The following SUPT20H variants were observed in gnomAD, a reference collection of about 807,000 sequenced individuals.
SUPT20H encodes transcription factor SPT20 homolog.
Under a neutral mutation model 122.8 loss-of-function variants are expected in SUPT20H, and 82 were observed. That is an observed-to-expected ratio of 0.67 (90% CI 0.56 to 0.80). The LOEUF (loss-of-function observed/expected upper bound fraction) is 0.80, where lower values mean the gene tolerates loss of function less well. Among genes scored for constraint, SUPT20H ranks in the 30% least tolerant of loss-of-function variants. The probability of loss-of-function intolerance (pLI) is 0.00; values close to 1 mark genes in which losing one functional copy is unlikely to be tolerated. For missense variants in SUPT20H, 831 were observed against 921.6 expected (o/e 0.90, Z 1.27); for synonymous variants, 291 against 313.0 (o/e 0.93, Z 0.74).
At chr13:37,058,013 C>T (rs1325684294) in intron 1 of SUPT20H, among the ~76,000 whole-genome samples, 1 of 147,976 alleles carries the variant, frequency 6.8e-6, no homozygotes, top group Non-Finnish European at 1.5e-5. Flanking sequence ...GGCGGTGGCT[C>T]AGGCCTGTAA....
Position 37,051,547 on chromosome 13 carries a change from G to C in SUPT20H, c.-57C>G. The C allele has an allele frequency of 6.4e-7, 1 of 1,558,402 alleles. No homozygotes were observed. Among genetic ancestry groups the C allele is most frequent in the Non-Finnish European group, 8.8e-7 (1 of 1,135,484 alleles). On this transcript the variant is annotated 5_prime_UTR_variant, in exon 2 of 26. Transcript: ENST00000350612. Reference sequence around the variant, plus strand: ...ATAACTTATGTACGCTGATGAAGTGGGGTGAACACCATGCCTTTAACATCA... The same window carrying C: ...ATAACTTATGTACGCTGATGAAGTGCGGTGAACACCATGCCTTTAACATCA...
In SUPT20H at chr13:37,009,381, T is replaced by G; in HGVS notation, c.*291A>C. 3.8e-6 allele frequency: 3 copies of G among 791,398 alleles called. No individual in the cohort carries two copies. Among genetic ancestry groups the G allele is most frequent in the Non-Finnish European group, 6.2e-6 (3 of 481,920 alleles). The allele number at this position is 791,398 out of a possible 1,614,324, so 49.0% of individuals were successfully genotyped here. ...ACAAACGTTTTATACTAAATAAATA[T>G]CAAACTACATTCTTCTGAAAGATGT... On this transcript the variant is annotated 3_prime_UTR_variant, in exon 26 of 26. Transcript: ENST00000350612.
intron 9 of SUPT20H, among the ~76,000 whole-genome samples, chr13:37,035,524 G>GT (rs375726226): frequency 0.016 from 2,248 of 142,574 alleles, 43 homozygotes; most frequent in African/African-American, 0.047. Context: ...CATATACAGT[G>GT]TTTTTTTTTT....
At chr13:37,058,883 T>C (rs2069890331) in intron 1 of SUPT20H, among the ~76,000 whole-genome samples, 1 of 152,170 alleles carries the variant, frequency 6.6e-6, no homozygotes, top group Non-Finnish European at 1.5e-5. Context: ...CTTTATAACA[T>C]GGTGATCAAC....
At chr13:37,043,952 T>C (rs951422668) in intron 7 of SUPT20H, 126 bp downstream of exon 7, 23 of 565,076 alleles carry the variant, frequency 4.1e-5, no homozygotes, top group Non-Finnish European at 6.6e-5. Flanking sequence ...AAATTAAATA[T>C]CATCTGTCAT....
At chr13:37,040,169 C>A in intron 9 of SUPT20H, 1 of 376,742 alleles carries the variant, frequency 2.7e-6, no homozygotes. Flanking sequence ...TAAGTTTTAT[C>A]TCATTGAATA....
chr13:37,021,942 T>C, intron 20 of SUPT20H, 69 bp downstream of exon 20: 5 of 1,484,138 alleles, frequency 3.4e-6, no homozygotes, highest in African/African-American at 1.4e-5. Flanking sequence ...ATTTCACACA[T>C]TAAGAATTTA....
rs1457114131 is a variant in SUPT20H, at chr13:37,021,508, G to A, written c.1756C>T (p.Pro586Ser). 1 of 1,613,890 alleles carries A rather than the reference G, an allele frequency of 6.2e-7. No individual in the cohort carries two copies. Among genetic ancestry groups the A allele is most frequent in the South Asian group, 1.1e-5 (1 of 91,064 alleles). Residue 586 changes from proline (P) to serine (S), a missense_variant, in exon 21 of 26, where the codon CCC (proline) becomes TCC (serine). By Grantham distance (74) the Pro-to-Ser change is moderately conservative. Coordinates refer to ENST00000350612, the MANE Select transcript of SUPT20H (RefSeq NM_001014286.3). ...PAGINLSGLL[P>S]SGGLLPNALP... Reference sequence around the variant, plus strand: ...GCATTTGGTAGCAGACCTCCTGAGGGTAGAAGGCCGCTCAGGTTTATTCCT... The same window carrying A: ...GCATTTGGTAGCAGACCTCCTGAGGATAGAAGGCCGCTCAGGTTTATTCCT...
chr13:37,015,229 G>T lies in SUPT20H; in HGVS notation c.1992+2016C>A, dbSNP rs116325337. 5.9e-4 allele frequency among the ~76,000 whole-genome samples: 89 copies of T among 151,050 alleles called. 1 individual carries two copies. Among genetic ancestry groups the T allele is most frequent in the African/African-American group, 2.0e-3 (84 of 41,190 alleles). On this transcript the variant is annotated intron_variant, in intron 23 of 25. Transcript: ENST00000350612. ...AATCAAGAGTGAAAAGACAACAAAT[G>T]GGAGAAAATATCTGGAAATCAAACA...
intron 4 of SUPT20H, 100 bp downstream of exon 4, chr13:37,047,778 C>T (rs1566327797): frequency 7.8e-7 from 1 of 1,289,802 alleles, no homozygotes; most frequent in Non-Finnish European, 1.1e-6. Context: ...ATGCAAAGAA[C>T]CTATAAAATT....
intron 21 of SUPT20H, among the ~76,000 whole-genome samples, chr13:37,020,350 T>TGACATCTG (rs1054957690): frequency 3.9e-5 from 6 of 152,180 alleles, no homozygotes; most frequent in Middle Eastern, 3.2e-3. Flanking sequence ...TAAAAGTGGA[T>TGACATCTG]GACATCTGTA....
chr13:37,021,484 C>G lies in SUPT20H; in HGVS notation c.1780G>C (p.Ala594Pro). 1 of 1,613,884 alleles carries G rather than the reference C, an allele frequency of 6.2e-7. No homozygotes were observed. The highest frequency in any genetic ancestry group is 8.5e-7 in the Non-Finnish European group (1 of 1,179,916). The change falls in exon 21 of 26, where the codon GCA becomes CCA. Residue 594 changes from alanine to proline, a missense_variant. Transcript: ENST00000350612. The stretch of plus-strand genomic sequence containing the variant: ...GCTGCCTGCATTGCACTGGGCAGTG[C>G]ATTTGGTAGCAGACCTCCTGAGGGT... Reference protein sequence around the residue: ...LLPSGGLLPNALPSAMQAASQ... With the variant: ...LLPSGGLLPNPLPSAMQAASQ...
chr13:37,045,229 T>C lies in SUPT20H; in HGVS notation c.292+18A>G. On this transcript the variant is annotated intron_variant, in intron 6 of 25. Transcript: ENST00000350612. ...TAGCAAAAGTATTTTGTGGCAGCTG[T>C]GCTCTAGAGGGTCTTACCTGATCCG... 1 of 1,610,412 alleles carries C rather than the reference T, an allele frequency of 6.2e-7. No homozygotes were observed. Among genetic ancestry groups the C allele is most frequent in the South Asian group, 1.1e-5 (1 of 90,070 alleles).
At chr13:37,019,523 T>C (rs993323693) in intron 21 of SUPT20H, 126 bp from the exon 22 acceptor site, 11 of 529,130 alleles carry the variant, frequency 2.1e-5, no homozygotes, top group Admixed American at 3.9e-5. Context: ...TTATTTTCCA[T>C]ACTTCAAAAA....
intron 9 of SUPT20H, 152 bp downstream of exon 9, chr13:37,040,253 C>A: frequency 1.4e-6 from 1 of 698,924 alleles, no homozygotes; most frequent in Non-Finnish European, 2.3e-6. Flanking sequence ...AGACCCTTAA[C>A]TTCTAGATCT....
At chr13:37,050,347 CA>C (rs61668901) in intron 2 of SUPT20H, among the ~76,000 whole-genome samples, 25 of 76,976 alleles carry the variant, frequency 3.2e-4, no homozygotes, top group African/African-American at 8.7e-4. Context: ...CTGTCACTAC[CA>C]AAAAAAAAAA....
chr13:37,027,565 T>G (rs2062529144), intron 14 of SUPT20H, among the ~76,000 whole-genome samples: 1 of 152,114 alleles, frequency 6.6e-6, no homozygotes. Flanking sequence ...GAGCTTCTTT[T>G]TTGTTTTCAA....
chr13:37,036,221 T>G (rs899606040), intron 9 of SUPT20H, among the ~76,000 whole-genome samples: 1 of 152,164 alleles, frequency 6.6e-6, no homozygotes, highest in Non-Finnish European at 1.5e-5. Context: ...AATTAATGTA[T>G]ATAGATTTTT....
At chr13:37,050,878 CTAAA>C (rs1427566308) in intron 2 of SUPT20H, among the ~76,000 whole-genome samples, 2 of 152,170 alleles carry the variant, frequency 1.3e-5, no homozygotes, top group African/African-American at 2.4e-5. Context: ...TAGGGGTTAT[CTAAA>C]TAAATAACAT....
Sources: allele counts gnomAD v4.1 joint callset (sites outside exome capture counted in the v4.1 genomes callset), GRCh38; gene constraint gnomAD v4.1.1; transcripts MANE v1.5; gene names NCBI Gene and HGNC (gene_info 2026-07-23, HGNC 2026-07-21).